Variants in CUBN observed in about 807,000 individuals in gnomAD.
CUBN encodes cubilin, also known as 460 kDa receptor.
Under a neutral mutation model 405.3 loss-of-function variants are expected in CUBN, and 282 were observed. That is an observed-to-expected ratio of 0.70 (90% CI 0.63 to 0.77). The LOEUF is 0.77. Among genes scored for constraint, CUBN ranks in the 30% least tolerant of loss-of-function variants. The pLI, the probability that CUBN is intolerant of heterozygous loss-of-function variation, is 0.00. For synonymous variants in CUBN, 1,684 were observed against 1,617.0 expected (o/e 1.04, Z -0.99); for missense variants, 4,514 against 4,475.2 (o/e 1.01, Z -0.25).
intron 51 of CUBN, among the ~76,000 whole-genome samples, chr10:16,901,801 C>A (rs895429666): frequency 8.1e-5 from 12 of 148,814 alleles, no homozygotes; most frequent in Non-Finnish European, 1.6e-4. Context: ...TGTAGTGAAC[C>A]GAGGTCATGC....
intron 28 of CUBN, among the ~76,000 whole-genome samples, chr10:17,004,896 G>A (rs1342122222): frequency 1.3e-5 from 2 of 152,010 alleles, no homozygotes; most frequent in Non-Finnish European, 2.9e-5. Context: ...CTGACCTCAT[G>A]GTCCACCTGC....
intron 28 of CUBN, among the ~76,000 whole-genome samples, chr10:16,991,654 CT>C (rs1833592231): frequency 9.7e-6 from 1 of 103,234 alleles, no homozygotes; most frequent in Non-Finnish European, 2.2e-5. Context: ...TTTAAATATT[CT>C]TTATTGGTTG....
chr10:16,844,355 G>A (rs561550931), intron 60 of CUBN, among the ~76,000 whole-genome samples: 49 of 152,050 alleles, frequency 3.2e-4, no homozygotes, highest in Admixed American at 2.3e-3. Context: ...CCATGGAAGT[G>A]TGAAATGCAT....
chr10:16,996,926 A>G (rs1165916177), intron 28 of CUBN, among the ~76,000 whole-genome samples: 1 of 152,266 alleles, frequency 6.6e-6, no homozygotes, highest in Non-Finnish European at 1.5e-5. Flanking sequence ...TGGGAAATCA[A>G]CAGTTGCTGT....
Position 16,918,632 on chromosome 10 carries a change from C to G in CUBN, c.6990G>C (p.Lys2330Asn). ...TAAAAAAATTATTACCTATAGAATA[C>G]TTGGCCTTGAATCCCACATGTGTGG... Reference protein sequence around the residue: ...NSPTHVGFKAKYSIAQCGGRV... With the variant: ...NSPTHVGFKANYSIAQCGGRV... The change falls in exon 45 of 67, where the codon AAG becomes AAC. Residue 2330 changes from lysine (K) to asparagine (N), a missense_variant. Lys to Asn is a moderately conservative substitution (Grantham distance 94). Coordinates refer to ENST00000377833, the MANE Select transcript of CUBN (RefSeq NM_001081.4). The G allele has an allele frequency of 6.2e-7, 1 of 1,613,382 alleles. No homozygotes were observed. The highest frequency in any genetic ancestry group is 1.1e-5 in the South Asian group (1 of 91,054).
intron 28 of CUBN, among the ~76,000 whole-genome samples, chr10:17,016,531 A>G (rs1344593790): frequency 6.6e-6 from 1 of 152,154 alleles, no homozygotes; most frequent in East Asian, 1.9e-4. Flanking sequence ...TTTGCCCTAG[A>G]CCCTGTAGGA....
chr10:17,123,392 G>A (rs758479787), intron 5 of CUBN, 196 bp downstream of exon 5: 140 of 621,968 alleles, frequency 2.3e-4, no homozygotes, highest in Non-Finnish European at 1.4e-4. Context: ...TCCTTTCAAT[G>A]GCTTTAGTAT....
At chr10:16,878,935 G>A (rs1042237955) in intron 56 of CUBN, among the ~76,000 whole-genome samples, 2 of 152,152 alleles carry the variant, frequency 1.3e-5, no homozygotes, top group African/African-American at 4.8e-5. Context: ...TTTTTATAGT[G>A]ATAGCACATG....
In CUBN at chr10:17,105,109, T is replaced by C. The variant is rs151232047; in HGVS notation, c.1230+348A>G. ...AGCCACCACGCCTGGCCTACTGATATATTTAACAGGTGCTACAAATATATA... is the reference window on the plus strand; with the variant it reads ...AGCCACCACGCCTGGCCTACTGATACATTTAACAGGTGCTACAAATATATA... On this transcript the variant is annotated intron_variant, in intron 11 of 66. Transcript: ENST00000377833. Among the ~76,000 whole-genome samples, 709 of 152,244 alleles carry C rather than the reference T, an allele frequency of 4.7e-3. 3 individuals are homozygous for C. Among genetic ancestry groups the C allele is most frequent in the African/African-American group, 0.016 (671 of 41,542 alleles).
At chr10:17,028,593 C>T (rs750251960) in intron 27 of CUBN, among the ~76,000 whole-genome samples, 41 of 151,476 alleles carry the variant, frequency 2.7e-4, no homozygotes, top group Non-Finnish European at 4.9e-4. Flanking sequence ...TGGTGGTGGG[C>T]GCATGTAATC....
intron 56 of CUBN, among the ~76,000 whole-genome samples, chr10:16,886,278 T>A (rs1348541497): frequency 6.6e-6 from 1 of 152,212 alleles, no homozygotes; most frequent in African/African-American, 2.4e-5. Context: ...CTTTGTTAAA[T>A]TTATCCATTT....
Position 16,906,382 on chromosome 10 carries a change from G to A in CUBN, c.7733C>T (p.Pro2578Leu), listed in dbSNP as rs561721034. 4.3e-6 allele frequency: 7 copies of A among 1,613,842 alleles called. No homozygotes were observed. Among genetic ancestry groups the A allele is most frequent in the African/African-American group, 1.3e-5 (1 of 75,022 alleles). The change falls in exon 50 of 67, where the codon CCT becomes CTT. Residue 2578 changes from proline to leucine, a missense_variant. Pro to Leu is a moderately conservative substitution (Grantham distance 98). Transcript: ENST00000377833. ...AVCGGSLPNTPEGNFTSPGYD... is the reference protein window; with the variant it reads ...AVCGGSLPNTLEGNFTSPGYD... The stretch of plus-strand genomic sequence containing the variant: ...GCCAGGAGAAGTAAAGTTTCCTTCA[G>A]GAGTATTTGGAAGAGACCCACCACA...
chr10:16,884,243 A>G (rs1358467350), intron 56 of CUBN, among the ~76,000 whole-genome samples: 1 of 152,152 alleles, frequency 6.6e-6, no homozygotes, highest in South Asian at 2.1e-4. Context: ...CGGCCTCCCA[A>G]AGTGGGGGAA....
rs769313368 is a variant in CUBN at position 16,950,004 on chromosome 10, G to C, written c.5077C>G (p.Arg1693Gly). ...LDGGHEDAPL[R>G]GRYCGTDMPH... ...AGATGAGTGAACGCTGAGGTACCTC[G>C]GAGGGGCGCGTCTTCGTGGCCGCCA... The change falls in exon 34 of 67, where the codon CGA becomes GGA. Residue 1693 changes from arginine (R) to glycine (G), a missense_variant. Physicochemically the swap from Arg to Gly is moderately radical, Grantham distance 125. This residue lies in a region of CUBN where 1,613 missense variants were observed against 1,542.8 expected (regional missense o/e 1.05). Coordinates refer to ENST00000377833, the MANE Select transcript of CUBN (RefSeq NM_001081.4). The C allele has an allele frequency of 6.2e-7, 1 of 1,611,880 alleles. No homozygotes were observed. Among genetic ancestry groups the C allele is most frequent in the Non-Finnish European group, 8.5e-7 (1 of 1,178,414 alleles).
At chr10:17,024,908 T>C (rs888186271) in intron 27 of CUBN, among the ~76,000 whole-genome samples, 5 of 152,348 alleles carry the variant, frequency 3.3e-5, no homozygotes, top group Admixed American at 1.3e-4. Context: ...GTTTCTTTTA[T>C]TTCCTGGAAG....
intron 27 of CUBN, among the ~76,000 whole-genome samples, chr10:17,036,805 C>T (rs1347973582): frequency 6.6e-6 from 1 of 152,156 alleles, no homozygotes; most frequent in East Asian, 1.9e-4. Flanking sequence ...ACATTGATTT[C>T]TCTTTGCGGC....
At chr10:16,864,657 CTTTTTTT>C (rs58100254) in intron 59 of CUBN, among the ~76,000 whole-genome samples, 1 of 121,452 alleles carries the variant, frequency 8.2e-6, no homozygotes, top group Admixed American at 1.1e-4. Context: ...TTTTTTCTTT[CTTTTTTT>C]TTTTTTTTTT....
chr10:16,996,683 C>G (rs1184207209), intron 28 of CUBN, among the ~76,000 whole-genome samples: 1 of 152,176 alleles, frequency 6.6e-6, no homozygotes, highest in East Asian at 1.9e-4. Context: ...GAATCCAAGG[C>G]ACAAAATTTA....
Position 16,874,429 on chromosome 10 carries a change from C to G in CUBN, c.9181G>C (p.Asp3061His). 6.2e-7 allele frequency: 1 copy of G among 1,614,132 alleles called. No homozygotes were observed. The highest frequency in any genetic ancestry group is 8.5e-7 in the Non-Finnish European group (1 of 1,179,990). ...GTGATGGTATACAGACAGTGCATAT[C>G]ATTTGGGTAGTCTGCGTATGAATAG... is the stretch of plus-strand genomic sequence containing the variant. ...PAYSYADYPN[D>H]MHCLYTITVS... The change falls in exon 58 of 67, where the codon GAT (aspartate) becomes CAT (histidine). Residue 3061 changes from aspartate to histidine, a missense_variant. Physicochemically the swap from Asp to His is moderately conservative, Grantham distance 81. Around this residue, in one of 5 missense-constraint regions of CUBN, gnomAD observed 1,186 missense variants for 1,186.9 expected, o/e 1.00. Coordinates refer to ENST00000377833, the MANE Select transcript of CUBN (RefSeq NM_001081.4).
Sources: allele counts gnomAD v4.1 joint callset (sites outside exome capture counted in the v4.1 genomes callset), GRCh38; gene constraint gnomAD v4.1.1; regional missense constraint gnomAD v4.1.1; transcripts MANE v1.5; gene names NCBI Gene and HGNC (gene_info 2026-07-23, HGNC 2026-07-21).